Variants in LPA observed in about 807,000 individuals in gnomAD.
LPA encodes the protein apolipoprotein(a).
Under a neutral mutation model 197.9 loss-of-function variants are expected in LPA, and 199 were observed. The observed-to-expected ratio is 1.01, with a 90% confidence interval of 0.90 to 1.13. The LOEUF (loss-of-function observed/expected upper bound fraction) is 1.13, where lower values mean the gene tolerates loss of function less well. Ranked by LOEUF, LPA falls within the 50% of genes most tolerant of loss-of-function variation. LPA has a pLI of 0.00. For missense variants in LPA, 1,853 were observed against 1,785.8 expected, an observed-to-expected ratio of 1.04 and a Z score of -0.68; for synonymous variants, 715 against 639.5, an observed-to-expected ratio of 1.12 and a Z score of -1.78.
intron 20 of LPA, among the ~76,000 whole-genome samples, chr6:160,598,636 C>T (rs577982507): frequency 2.0e-5 from 3 of 152,318 alleles, no homozygotes; most frequent in Admixed American, 2.0e-4. Flanking sequence ...ATCTACCCGC[C>T]CCTTTTACTT....
At position 160,596,695 on chromosome 6, in the gene LPA, G is replaced by T. The variant is rs577020571; in HGVS notation, c.3288-1160C>A. On this transcript the variant is annotated intron_variant, in intron 20 of 38. Transcript: ENST00000316300. ...AGCATCTTACTTTTCACGTAGCAAA[G>T]TCCTTTAACCTCATGGACTGTCTCT... is the stretch of plus-strand genomic sequence containing the variant. Among the ~76,000 whole-genome samples the T allele has an allele frequency of 2.8e-4, 42 of 152,214 alleles. No homozygotes were observed. In the South Asian group the frequency reaches 7.5e-3, roughly 27 times the overall value.
intron 28 of LPA, among the ~76,000 whole-genome samples, chr6:160,576,008 C>A (rs1778647453): frequency 6.6e-6 from 1 of 152,106 alleles, no homozygotes; most frequent in South Asian, 2.1e-4. Context: ...CTTTTTCCTT[C>A]AATCCATGAT....
chr6:160,531,649 CTA>C lies in LPA; in HGVS notation c.*78_*79del. On this transcript the variant is annotated 3_prime_UTR_variant, in exon 39 of 39. Coordinates refer to ENST00000316300, the MANE Select transcript of LPA (RefSeq NM_005577.4). Reference sequence around the variant, plus strand: ...AACAGTGTCTTCGTTTGATTGCTGTCTATTATTTCCAGCATGCTAAATCCTTA... The same window carrying C: ...AACAGTGTCTTCGTTTGATTGCTGTCTTATTTCCAGCATGCTAAATCCTTA... 1 of 1,556,098 alleles carries C rather than the reference CTA, an allele frequency of 6.4e-7. No individual in the cohort carries two copies. Among genetic ancestry groups the C allele is most frequent in the Non-Finnish European group, 8.9e-7 (1 of 1,127,906 alleles).
chr6:160,605,423 C>T (rs6455693), intron 17 of LPA, among the ~76,000 whole-genome samples: 60,941 of 152,062 alleles, frequency 0.4, 12,524 homozygotes, highest in African/African-American at 0.49. Flanking sequence ...ATTCCTAACA[C>T]TTTAGAACTG....
intron 1 of LPA, among the ~76,000 whole-genome samples, chr6:160,662,674 C>A (rs1022017650): frequency 2.0e-5 from 3 of 152,166 alleles, no homozygotes; most frequent in African/African-American, 7.2e-5. Context: ...CAGACATAGA[C>A]ACCAATTTCC....
At position 160,595,513 on chromosome 6, in the gene LPA, T is replaced by A; in HGVS notation, c.3310A>T (p.Arg1104Trp). The change falls in exon 21 of 39, where the codon AGG (arginine) becomes TGG (tryptophan). Residue 1104 changes from arginine (R) to tryptophan (W), a missense_variant. Arg to Trp is a moderately radical substitution (Grantham distance 101). Around this residue, in one of 3 missense-constraint regions of LPA, gnomAD observed 1,737 missense variants for 1,504.4 expected, o/e 1.15. Transcript: ENST00000316300. ...PNAGLTRNYC[R>W]NPDAEIRPWC... ...GGGCGAATCTCAGCATCTGGATTCCTGCAGTAGTTCCTGGTCAGGCCACTG... is the reference window on the plus strand; with the variant it reads ...GGGCGAATCTCAGCATCTGGATTCCAGCAGTAGTTCCTGGTCAGGCCACTG... 1 of 1,614,030 alleles carries A rather than the reference T, an allele frequency of 6.2e-7. No individual in the cohort carries two copies. The highest frequency in any genetic ancestry group is 1.1e-5 in the South Asian group (1 of 91,086).
intron 28 of LPA, among the ~76,000 whole-genome samples, chr6:160,574,075 C>T (rs1050171864): frequency 6.6e-6 from 1 of 152,074 alleles, no homozygotes. Flanking sequence ...CTTACTGAAG[C>T]TTCTGTATGG....
At position 160,540,125 on chromosome 6, in the gene LPA, C is replaced by T. The variant is rs552679738; in HGVS notation, c.5653G>A (p.Glu1885Lys). ...ACTTCTATTTCCTGAACATGAGATTCGAGGTTCACTTCTTGGTGTGCACCC... is the reference window on the plus strand; with the variant it reads ...ACTTCTATTTCCTGAACATGAGATTTGAGGTTCACTTCTTGGTGTGCACCC... ...ILGAHQEVNLESHVQEIEVSR... is the reference protein window; with the variant it reads ...ILGAHQEVNLKSHVQEIEVSR... The change falls in exon 36 of 39, where the codon GAA becomes AAA. Residue 1885 changes from glutamate to lysine, a missense_variant. By Grantham distance (56) the Glu-to-Lys change is moderately conservative. Transcript: ENST00000316300. 5.8e-5 allele frequency: 94 copies of T among 1,614,062 alleles called. No individual in the cohort carries two copies. The Middle Eastern group carries it at 8.2e-4, about 14-fold the overall frequency.
At chr6:160,569,470 T>A (rs1005610626) in intron 28 of LPA, among the ~76,000 whole-genome samples, 2 of 150,256 alleles carry the variant, frequency 1.3e-5, no homozygotes, top group African/African-American at 4.8e-5. Context: ...ACACCTTATA[T>A]AAAAATTAAT....
rs1356573789 is a variant in LPA, at chr6:160,648,811, T to C, written c.209+1527A>G. 4.6e-5 allele frequency among the ~76,000 whole-genome samples: 7 copies of C among 152,224 alleles called. No individual in the cohort carries two copies. In the East Asian group the frequency reaches 1.3e-3, roughly 29 times the overall value. ...AGGTGTCTGTTGCATTCTATATTCA[T>C]GTTTTCTTAAATCCTAGAACTCAAT... On this transcript the variant is annotated intron_variant, in intron 2 of 38. Coordinates refer to ENST00000316300, the MANE Select transcript of LPA (RefSeq NM_005577.4).
At chr6:160,553,006 A>G (rs1478951164) in intron 30 of LPA, among the ~76,000 whole-genome samples, 1 of 152,104 alleles carries the variant, frequency 6.6e-6, no homozygotes, top group African/African-American at 2.4e-5. Context: ...CCTAGGATTT[A>G]TAATATCCCA....
intron 28 of LPA, among the ~76,000 whole-genome samples, chr6:160,576,398 A>G (rs868343358): frequency 6.5e-4 from 36 of 54,964 alleles, no homozygotes; most frequent in Middle Eastern, 0.013. Context: ...ATGTATATAT[A>G]TATATATATA....
chr6:160,657,579 A>G (rs1185361040), intron 1 of LPA, among the ~76,000 whole-genome samples: 5 of 151,952 alleles, frequency 3.3e-5, no homozygotes, highest in Non-Finnish European at 7.4e-5. Flanking sequence ...TTGTATTTTT[A>G]GCAGAGATGG....
intron 32 of LPA, 113 bp downstream of exon 32, chr6:160,547,676 A>G (rs939344307): frequency 7.0e-7 from 1 of 1,436,094 alleles, no homozygotes; most frequent in African/African-American, 1.4e-5. Context: ...TTTCCATGCT[A>G]AGGCTAATTA....
At chr6:160,554,130 C>T (rs115726057) in intron 30 of LPA, among the ~76,000 whole-genome samples, 2,970 of 152,068 alleles carry the variant, frequency 0.02, 82 homozygotes, top group African/African-American at 0.067. Context: ...GGTTGTTTTA[C>T]GCATTTGCTT....
intron 30 of LPA, among the ~76,000 whole-genome samples, chr6:160,554,063 C>T (rs1158703426): frequency 6.6e-6 from 1 of 151,996 alleles, no homozygotes; most frequent in Non-Finnish European, 1.5e-5. Context: ...ATATTAAGGC[C>T]ATCCAGTGAG....
chr6:160,541,021 G>C, intron 35 of LPA, 86 bp downstream of exon 35: 1 of 1,102,990 alleles, frequency 9.1e-7, no homozygotes. Context: ...GGAAGGGGAG[G>C]GTGGGAAGAA....
In LPA at chr6:160,585,040, A is replaced by T; in HGVS notation, c.4289+6T>A. 6.2e-7 allele frequency: 1 copy of T among 1,613,520 alleles called. No homozygotes were observed. Among genetic ancestry groups the T allele is most frequent in the African/African-American group, 1.3e-5 (1 of 75,022 alleles). ...GTTCCTTTTATGGCTAACATGATAG[A>T]CATACGCATTTGGATAGTATAATGG... On this transcript the variant is annotated splice_donor_region_variant and intron_variant, in intron 26 of 38. Coordinates refer to ENST00000316300, the MANE Select transcript of LPA (RefSeq NM_005577.4).
At chr6:160,575,391 T>A (rs1261418236) in intron 28 of LPA, among the ~76,000 whole-genome samples, 1 of 152,248 alleles carries the variant, frequency 6.6e-6, no homozygotes, top group Non-Finnish European at 1.5e-5. Flanking sequence ...TGGTTATGGA[T>A]CACACTAAAT....
Sources: allele counts gnomAD v4.1 joint callset (sites outside exome capture counted in the v4.1 genomes callset), GRCh38; gene constraint gnomAD v4.1.1; regional missense constraint gnomAD v4.1.1; transcripts MANE v1.5; gene names NCBI Gene and HGNC (gene_info 2026-07-23, HGNC 2026-07-21).